Variants in MED14 observed in about 807,000 individuals in gnomAD.
MED14 encodes mediator of RNA polymerase II transcription subunit 14.
In MED14, 8 loss-of-function variants were observed where a neutral mutation model predicts 109.0. That is an observed-to-expected ratio of 0.07 (90% confidence interval 0.04 to 0.13). MED14 has a LOEUF of 0.13. Ranked by LOEUF, MED14 falls within the 10% of genes least tolerant of loss-of-function variation. The probability of loss-of-function intolerance (pLI) is 1.00; values close to 1 mark genes in which losing one functional copy is unlikely to be tolerated. For synonymous variants in MED14, 399 were observed against 408.7 expected, an observed-to-expected ratio of 0.98 and a Z score of 0.29; for missense variants, 711 against 1,142.4, an observed-to-expected ratio of 0.62 and a Z score of 5.44.
Position 40,735,339 on chromosome X carries a change from G to T in MED14, c.74C>A (p.Pro25Gln), listed in dbSNP as rs1241153794. 1 of 1,083,556 alleles carries T rather than the reference G, an allele frequency of 9.2e-7. No homozygotes were observed. Among genetic ancestry groups the T allele is most frequent in the Non-Finnish European group, 1.2e-6 (1 of 835,857 alleles). The allele number at this position is 1,083,556 out of a possible 1,213,427, so 89.3% of individuals were successfully genotyped here. Residue 25 changes from proline to glutamine, a missense_variant, in exon 1 of 31, where the codon CCG becomes CAG. This residue lies in a region of MED14 where 62 missense variants were observed against 55.2 expected (regional missense o/e 1.12). Transcript: ENST00000324817. ...GGGGGGSGGPPSAPAPPPPGA... is the reference protein window; with the variant it reads ...GGGGGGSGGPQSAPAPPPPGA... ...CGGGGGAGGAGGGGCTGGGGCTGAC[G>T]GGGGTCCGCCGCTGCCCCCGCCGCC...
intron 25 of MED14, among the ~76,000 whole-genome samples, chrX:40,663,972 C>A (rs1929383751): frequency 9.0e-6 from 1 of 111,087 alleles, no homozygotes; most frequent in Non-Finnish European, 1.9e-5. Context: ...ACAGGAAAGA[C>A]ACGGCACAAT....
chrX:40,660,339 A>C (rs1401428812), intron 26 of MED14, among the ~76,000 whole-genome samples: 2 of 111,976 alleles, frequency 1.8e-5, no homozygotes, highest in African/African-American at 6.5e-5. Flanking sequence ...ATTTTCCACA[A>C]TATCTTTTTT....
At chrX:40,697,929 G>C (rs980281576) in intron 12 of MED14, among the ~76,000 whole-genome samples, 3 of 111,922 alleles carry the variant, frequency 2.7e-5, no homozygotes, top group African/African-American at 9.8e-5. Context: ...GTTATGTGCA[G>C]TAAAACCATG....
chrX:40,665,982 C>T (rs909417308), intron 24 of MED14, among the ~76,000 whole-genome samples: 4 of 112,016 alleles, frequency 3.6e-5, no homozygotes, highest in African/African-American at 6.5e-5. Context: ...TTTTTAATGA[C>T]GGAAATGTTC....
chrX:40,689,841 G>A (rs1930433707), intron 15 of MED14, among the ~76,000 whole-genome samples: 1 of 112,191 alleles, frequency 8.9e-6, no homozygotes, highest in African/African-American at 3.2e-5. Flanking sequence ...AAGTAGGTAA[G>A]TTTTTAAGAG....
intron 10 of MED14, among the ~76,000 whole-genome samples, chrX:40,703,877 T>C (rs1191001154): frequency 1.8e-5 from 2 of 112,711 alleles, no homozygotes; most frequent in Non-Finnish European, 3.7e-5. Flanking sequence ...AGCTGAGTTC[T>C]AGTTTTACTT....
chrX:40,705,489 T>C (rs1931104523), intron 10 of MED14, among the ~76,000 whole-genome samples: 1 of 112,055 alleles, frequency 8.9e-6, no homozygotes, highest in Non-Finnish European at 1.9e-5. Flanking sequence ...AATGTCCATA[T>C]TTTTCTTTAC....
At chrX:40,721,814 CTTTG>C (rs1034681422) in intron 3 of MED14, among the ~76,000 whole-genome samples, 3 of 112,678 alleles carry the variant, frequency 2.7e-5, no homozygotes, top group Non-Finnish European at 5.6e-5. Context: ...AAGAGCAAGA[CTTTG>C]TTTGTTTGGA....
At chrX:40,723,106 ACTC>A (rs1457210952) in intron 3 of MED14, among the ~76,000 whole-genome samples, 4 of 112,104 alleles carry the variant, frequency 3.6e-5, no homozygotes, top group African/African-American at 1.3e-4. Flanking sequence ...TATGTAAACT[ACTC>A]CTATCTTCAG....
chrX:40,700,570 A>AT (rs904787895), intron 12 of MED14, among the ~76,000 whole-genome samples: 1 of 106,652 alleles, frequency 9.4e-6, no homozygotes, highest in African/African-American at 3.4e-5. Flanking sequence ...TAGTCTCTGA[A>AT]TTTTTTTTTT....
chrX:40,650,039 T>C lies in MED14; in HGVS notation c.*1767A>G. ...ATATTATCCTGCAGATAAAAATACATTTCTTGTATATACATGTAGATTTCT... is the reference window on the plus strand; with the variant it reads ...ATATTATCCTGCAGATAAAAATACACTTCTTGTATATACATGTAGATTTCT... On this transcript the variant is annotated 3_prime_UTR_variant, in exon 31 of 31. Coordinates refer to ENST00000324817, the MANE Select transcript of MED14 (RefSeq NM_004229.4). 4 of 744,563 alleles carry C rather than the reference T, an allele frequency of 5.4e-6. No individual in the cohort carries two copies. The highest frequency in any genetic ancestry group is 4.8e-6 in the Non-Finnish European group (3 of 630,113). 61.4% of individuals were successfully genotyped at this position (744,563 alleles called of 1,213,427 possible). A position where few individuals can be genotyped will look rare whatever the true frequency, so the allele number is the denominator to read the frequency against.
chrX:40,669,146 G>C (rs1929630566), intron 23 of MED14, among the ~76,000 whole-genome samples: 1 of 112,112 alleles, frequency 8.9e-6, no homozygotes, highest in Admixed American at 9.4e-5. Context: ...TACACCACAG[G>C]TTTGCTGTGA....
chrX:40,681,970 T>C (rs1930130811), intron 18 of MED14, 27 bp from the exon 19 acceptor site: 6 of 779,588 alleles, frequency 7.7e-6, no homozygotes, highest in Non-Finnish European at 1.1e-5. Context: ...AAAAAGGAGA[T>C]TAATATTATA....
chrX:40,659,456 T>G lies in MED14; in HGVS notation c.3836A>C (p.Gln1279Pro). 8.3e-7 allele frequency: 1 copy of G among 1,210,490 alleles called. No individual in the cohort carries two copies. Among genetic ancestry groups the G allele is most frequent in the Non-Finnish European group, 1.1e-6 (1 of 895,025 alleles). The change falls in exon 27 of 31, where the codon CAA becomes CCA. Residue 1279 changes from glutamine to proline, a missense_variant. By Grantham distance (76) the Gln-to-Pro change is moderately conservative. Around this residue, in one of 8 missense-constraint regions of MED14, gnomAD observed 54 missense variants for 129.6 expected, o/e 0.42. Coordinates refer to ENST00000324817, the MANE Select transcript of MED14 (RefSeq NM_004229.4). ...TGTTTCAAAGAATTTCTCCAAAACT[T>G]GAAGTTCATCAGGTTTCCACTGTCC... ...NAGQWKPDEL[Q>P]VLEKFFETRV...
chrX:40,731,819 A>T (rs1447008535), intron 1 of MED14, among the ~76,000 whole-genome samples: 1 of 112,443 alleles, frequency 8.9e-6, no homozygotes, highest in Non-Finnish European at 1.9e-5. Context: ...ACTAGTTATT[A>T]TTTCTTCTAT....
chrX:40,682,777 G>C, intron 17 of MED14, 28 bp from the exon 18 acceptor site: 5 of 1,204,592 alleles, frequency 4.2e-6, no homozygotes, highest in Non-Finnish European at 5.6e-6. Flanking sequence ...AATATTAATA[G>C]TAATCGATAC....
intron 21 of MED14, among the ~76,000 whole-genome samples, chrX:40,679,506 CATAA>C (rs994834980): frequency 1.8e-5 from 2 of 111,456 alleles, no homozygotes; most frequent in African/African-American, 6.5e-5. Context: ...GACTCTGTCT[CATAA>C]ATAAATAAGC....
chrX:40,670,747 G>A (rs944108683), intron 23 of MED14, among the ~76,000 whole-genome samples: 1 of 99,413 alleles, frequency 1.0e-5, no homozygotes, highest in African/African-American at 3.7e-5. Context: ...CGGCCTGGGC[G>A]ACAGAGCGAG....
chrX:40,666,773 G>A lies in MED14; in HGVS notation c.3212C>T (p.Pro1071Leu). ...TCCTATTGAGATTCCATGCGAGGAT[G>A]GGGGAGGAGTTGGAACAAATGACGC... ...SPASFVPTPP[P>L]SSHGISIGPG... Residue 1071 changes from proline to leucine, a missense_variant, in exon 24 of 31, where the codon CCA becomes CTA. Physicochemically the swap from Pro to Leu is moderately conservative, Grantham distance 98. Transcript: ENST00000324817. 8.3e-7 allele frequency: 1 copy of A among 1,204,187 alleles called. No individual in the cohort carries two copies.
Sources: allele counts gnomAD v4.1 joint callset (sites outside exome capture counted in the v4.1 genomes callset), GRCh38; gene constraint gnomAD v4.1.1; regional missense constraint gnomAD v4.1.1; transcripts MANE v1.5; gene names NCBI Gene and HGNC (gene_info 2026-07-23, HGNC 2026-07-21).